Variants in RIMBP2 observed in about 807,000 individuals in gnomAD.
RIMBP2 encodes RIMS binding protein 2.
Under a neutral mutation model 118.6 loss-of-function variants are expected in RIMBP2, and 48 were observed. That is an observed-to-expected ratio of 0.40 (90% CI 0.32 to 0.51). The LOEUF (loss-of-function observed/expected upper bound fraction) is 0.51. RIMBP2 is among the 20% of genes least tolerant of loss of function. The pLI is 0.41. For synonymous variants in RIMBP2, 762 were observed against 742.9 expected (o/e 1.03, Z -0.42); for missense variants, 1,551 against 1,768.3 (o/e 0.88, Z 2.20).
At chr12:130,542,632 C>T (rs2054719574) in intron 2 of RIMBP2, among the ~76,000 whole-genome samples, 1 of 152,162 alleles carries the variant, frequency 6.6e-6, no homozygotes, top group Non-Finnish European at 1.5e-5. Context: ...CATGACAATA[C>T]TATTCTAATA....
chr12:130,645,984 G>T (rs1409489829), intron 1 of RIMBP2, among the ~76,000 whole-genome samples: 1 of 152,020 alleles, frequency 6.6e-6, no homozygotes, highest in Non-Finnish European at 1.5e-5. Flanking sequence ...AAAAAACCCA[G>T]GGAACAACAC....
chr12:130,585,258 A>AG (rs1350713464), intron 2 of RIMBP2, among the ~76,000 whole-genome samples: 2 of 152,070 alleles, frequency 1.3e-5, no homozygotes, highest in Non-Finnish European at 2.9e-5. Flanking sequence ...CGGAGTGAGA[A>AG]GGGGAGGGTC....
At chr12:130,428,404 A>T in intron 14 of RIMBP2, 67 bp from the exon 15 acceptor site, 1 of 1,521,822 alleles carries the variant, frequency 6.6e-7, no homozygotes, top group Non-Finnish European at 8.9e-7. Context: ...GGCCAGATTG[A>T]GCTTGCCAAC....
chr12:130,616,993 C>A (rs1160388449), intron 2 of RIMBP2, among the ~76,000 whole-genome samples: 1 of 152,124 alleles, frequency 6.6e-6, no homozygotes, highest in Non-Finnish European at 1.5e-5. Context: ...AGTTGGGGTG[C>A]AGGGGCCCCC....
intron 1 of RIMBP2, among the ~76,000 whole-genome samples, chr12:130,667,079 AAAATGAG>A (rs2063968350): frequency 1.8e-5 from 1 of 54,600 alleles, no homozygotes; most frequent in Non-Finnish European, 4.1e-5. Flanking sequence ...GAGGGAGGAA[AAAATGAG>A]GGAGGGAGGA....
chr12:130,620,561 G>A lies in RIMBP2; in HGVS notation c.-217+7761C>T, dbSNP rs1223744375. Among the ~76,000 whole-genome samples, 5 of 152,142 alleles carry A rather than the reference G, an allele frequency of 3.3e-5. No individual in the cohort carries two copies. The highest frequency in any genetic ancestry group is 7.4e-5 in the Non-Finnish European group (5 of 68,020). ...TCCCAGGGGCCAGATGCCCAAGCTCGGGGTGTCGGCAGGGCTGCTCCTCAG... is the reference window on the plus strand; with the variant it reads ...TCCCAGGGGCCAGATGCCCAAGCTCAGGGTGTCGGCAGGGCTGCTCCTCAG... On this transcript the variant is annotated intron_variant, in intron 2 of 22. Transcript: ENST00000690449. This position sits in a 1 kb window ranked among gnomAD's most constrained non-coding sequence, Gnocchi z 5.3.
intron 2 of RIMBP2, among the ~76,000 whole-genome samples, chr12:130,626,944 A>C (rs1276801643): frequency 6.8e-6 from 1 of 147,654 alleles, no homozygotes; most frequent in Admixed American, 6.7e-5. Context: ...CACCATTACC[A>C]CCATTATCAC....
In RIMBP2 at chr12:130,438,338, C is replaced by T. The variant is rs572995080; in HGVS notation, c.1656+27G>A. 7 of 1,266,844 alleles carry T rather than the reference C, an allele frequency of 5.5e-6. 2 individuals carry two copies. In the Admixed American group the frequency reaches 8.6e-5, roughly 16 times the overall value. The allele number at this position is 1,266,844 out of a possible 1,614,324, so 78.5% of individuals were successfully genotyped here. A position where few individuals can be genotyped will look rare whatever the true frequency, so the allele number is the denominator to read the frequency against. Reference sequence around the variant, plus strand: ...CTGCTGCGTTAGGGCCTAACAAACCCTCCCCACCCACCCAACGAAAACTCA... The same window carrying T: ...CTGCTGCGTTAGGGCCTAACAAACCTTCCCCACCCACCCAACGAAAACTCA... On this transcript the variant is annotated intron_variant, in intron 12 of 22. Transcript: ENST00000690449.
At chr12:130,612,349 C>T (rs2060610444) in intron 2 of RIMBP2, among the ~76,000 whole-genome samples, 2 of 152,192 alleles carry the variant, frequency 1.3e-5, no homozygotes, top group South Asian at 4.1e-4. Flanking sequence ...ATCACCTTCT[C>T]TCTCATGTAT....
intron 4 of RIMBP2, among the ~76,000 whole-genome samples, chr12:130,490,954 C>CTGTG (rs2048586216): frequency 6.6e-6 from 1 of 152,146 alleles, no homozygotes; most frequent in Admixed American, 6.5e-5. Context: ...CCCGAGCCCC[C>CTGTG]TGTGTGTAGC....
chr12:130,481,544 C>T lies in RIMBP2; in HGVS notation c.-3-2528G>A, dbSNP rs140717542. On this transcript the variant is annotated intron_variant, in intron 4 of 22. Transcript: ENST00000690449. The stretch of plus-strand genomic sequence containing the variant: ...AGTGAACTCAGAAGCTGGAATTACC[C>T]TGCACCCCCACAGACATCTGGGGGT... Among the ~76,000 whole-genome samples the T allele has an allele frequency of 2.6e-5, 4 of 152,310 alleles. No individual in the cohort carries two copies. The East Asian group carries it at 7.7e-4, about 29-fold the overall frequency.
At chr12:130,399,385 T>G (rs999671559) in intron 22 of RIMBP2, among the ~76,000 whole-genome samples, 1 of 152,180 alleles carries the variant, frequency 6.6e-6, no homozygotes, top group Non-Finnish European at 1.5e-5. Context: ...AGCCATCCCC[T>G]TTTCACTCTT....
At chr12:130,457,091 G>A (rs1472714467) in intron 6 of RIMBP2, among the ~76,000 whole-genome samples, 1 of 152,216 alleles carries the variant, frequency 6.6e-6, no homozygotes, top group Non-Finnish European at 1.5e-5. Context: ...CAGTTGGCAG[G>A]CTTTGCTAGA....
intron 2 of RIMBP2, among the ~76,000 whole-genome samples, chr12:130,602,711 G>A (rs868744793): frequency 6.6e-6 from 1 of 152,248 alleles, no homozygotes; most frequent in South Asian, 2.1e-4. Flanking sequence ...ACGGTCGCAT[G>A]ACAGAAGAAT....
intron 1 of RIMBP2, among the ~76,000 whole-genome samples, chr12:130,646,130 T>TCCACCTCCCTCA (rs1351395199): frequency 4.1e-5 from 1 of 24,390 alleles, no homozygotes; most frequent in Non-Finnish European, 7.9e-5. Context: ...CACCTGCCTC[T>TCCACCTCCCTCA]CCACCTCCCT....
At position 130,448,533 on chromosome 12, in the gene RIMBP2, T is replaced by C. The variant is rs148424593; in HGVS notation, c.581+1667A>G. ...GGACACCAGCCCAGCGCTGCCCCTG[T>C]GCTGGCATTGAGGGTTCTGTGAATG... On this transcript the variant is annotated intron_variant, in intron 9 of 22. Transcript: ENST00000690449. Among the ~76,000 whole-genome samples, 847 of 152,372 alleles carry C rather than the reference T, an allele frequency of 5.6e-3. 7 individuals carry two copies. Among genetic ancestry groups the C allele is most frequent in the African/African-American group, 0.019 (799 of 41,586 alleles).
At chr12:130,713,272 A>AGGAAGGAAGGAAGGAAGGAAGGAC in intron 1 of RIMBP2, among the ~76,000 whole-genome samples, 1 of 140,516 alleles carries the variant, frequency 7.1e-6, no homozygotes, top group East Asian at 2.2e-4. Flanking sequence ...GAAGGAAGGA[A>AGGAAGGAAGGAAGGAAGGAAGGAC]GGACTGAGGA....
intron 1 of RIMBP2, chr12:130,658,567 T>A (rs1384836374): frequency 2.0e-5 from 3 of 152,242 alleles, no homozygotes; most frequent in African/African-American, 7.2e-5. Flanking sequence ...TCAAAAAGCT[T>A]GATCTTGGCC....
chr12:130,450,664 C>G lies in RIMBP2; in HGVS notation c.505-388G>C, dbSNP rs542004760. Among the ~76,000 whole-genome samples, 1 of 152,082 alleles carries G rather than the reference C, an allele frequency of 6.6e-6. No homozygotes were observed. The highest frequency in any genetic ancestry group is 1.9e-4 in the East Asian group (1 of 5,132). ...CCCAGTGATCCCACTCTCACTCCCC[C>G]TAGTGCATTCCCCACACAAGCTGGA... On this transcript the variant is annotated intron_variant, in intron 8 of 22. Transcript: ENST00000690449. This position sits in a 1 kb window ranked among gnomAD's most constrained non-coding sequence, Gnocchi z 4.8.
Sources: gnomAD v4.1 joint callset for allele counts (sites outside exome capture counted in the v4.1 genomes callset) on GRCh38, gnomAD v4.1.1 for gene constraint, Gnocchi (gnomAD v3.1) non-coding constraint, MANE v1.5 for transcripts, NCBI Gene and HGNC (gene_info 2026-07-23, HGNC 2026-07-21) for gene names.